The following TENM2 variants were observed in gnomAD, a reference collection of about 807,000 sequenced individuals.
TENM2 encodes teneurin-2.
TENM2 carries 52 observed loss-of-function variants against 245.2 expected under a neutral mutation model. That is an observed-to-expected ratio of 0.21 (90% CI 0.17 to 0.27). The LOEUF is 0.27. TENM2 is among the 10% of genes least tolerant of loss of function. The probability of loss-of-function intolerance (pLI) is 1.00; values close to 1 mark genes in which losing one functional copy is unlikely to be tolerated. For missense variants in TENM2, 3,046 were observed against 3,666.8 expected, an observed-to-expected ratio of 0.83 and a Z score of 4.37; for synonymous variants, 1,363 against 1,438.9, an observed-to-expected ratio of 0.95 and a Z score of 1.19.
chr5:168,151,798 G>T (rs1756677137), intron 12 of TENM2, among the ~76,000 whole-genome samples: 1 of 152,232 alleles, frequency 6.6e-6, no homozygotes. Flanking sequence ...ATAAAAGTCT[G>T]CACCCTCTTT....
intron 7 of TENM2, among the ~76,000 whole-genome samples, chr5:168,063,617 T>TA (rs542713569): frequency 7.0e-4 from 107 of 152,206 alleles, no homozygotes; most frequent in Middle Eastern, 3.4e-3. Context: ...CTTAAAGCTA[T>TA]AAAAAAACCC....
chr5:167,320,556 A>C (rs1030168226), intron 1 of TENM2, among the ~76,000 whole-genome samples: 2 of 100,190 alleles, frequency 2.0e-5, no homozygotes, highest in Non-Finnish European at 4.4e-5. Context: ...TTTAATTGCC[A>C]TTGTAACAGT....
chr5:167,884,488 T>C (rs11738159), intron 3 of TENM2, among the ~76,000 whole-genome samples: 68,156 of 152,050 alleles, frequency 0.45, 17,605 homozygotes, highest in Non-Finnish European at 0.57. Context: ...ATCAATGGAA[T>C]CACACAGTAC....
the TENM2 span, among the ~76,000 whole-genome samples, chr5:167,211,854 C>T: frequency 1.3e-5 from 2 of 152,100 alleles, no homozygotes; most frequent in South Asian, 4.2e-4. Flanking sequence ...TGACAGATTG[C>T]ACACTTATTT....
exon 29 of TENM2, chr5:168,262,753 T>A (rs1308278411): frequency 6.2e-7 from 1 of 1,610,778 alleles, no homozygotes; most frequent in Non-Finnish European, 8.5e-7. Context: ...ACCCAGAGCT[T>A]GCAGACAGTA....
chr5:168,040,457 T>C (rs1196647125), intron 5 of TENM2, among the ~76,000 whole-genome samples: 2 of 152,134 alleles, frequency 1.3e-5, no homozygotes, highest in Admixed American at 6.6e-5. Context: ...TCTCGGGAGA[T>C]AGGTGCACAA....
Position 168,137,513 on chromosome 5 carries a change from C to T in TENM2, c.2422+10547C>T, listed in dbSNP as rs146824164. Among the ~76,000 whole-genome samples, 1,150 of 152,256 alleles carry T rather than the reference C, an allele frequency of 7.6e-3. 11 individuals carry two copies. Among genetic ancestry groups the T allele is most frequent in the African/African-American group, 0.023 (970 of 41,544 alleles). On this transcript the variant is annotated intron_variant, in intron 12 of 28. Transcript: ENST00000518659. ...AACAAGTTAGCCAGCTGTCAATCAC[C>T]GGTCATGCTATTGCATCTGAAACAC...
intron 2 of TENM2, among the ~76,000 whole-genome samples, chr5:167,553,608 G>A (rs1289932085): frequency 6.6e-6 from 1 of 152,170 alleles, no homozygotes; most frequent in African/African-American, 2.4e-5. Context: ...CGTCATATGT[G>A]ATGAAGAAAA....
intron 1 of TENM2, among the ~76,000 whole-genome samples, chr5:167,356,928 C>T (rs534481705): frequency 6.6e-6 from 1 of 152,240 alleles, no homozygotes; most frequent in Admixed American, 6.5e-5. Context: ...TCTCTCTGAC[C>T]TAAAAGTTTA....
In TENM2 at chr5:167,357,065, C is replaced by T. The variant is rs1759384028; in HGVS notation, c.227-18133C>T. 2.6e-5 allele frequency among the ~76,000 whole-genome samples: 4 copies of T among 151,922 alleles called. No homozygotes were observed. The South Asian group carries it at 6.2e-4, about 24-fold the overall frequency. On this transcript the variant is annotated intron_variant, in intron 1 of 28. Transcript: ENST00000518659. The stretch of plus-strand genomic sequence containing the variant: ...TCTGGGAGGAAAGCTTTGTTCAAGT[C>T]GACATTTTTTTTAAATCTAAATGTA...
At chr5:167,739,153 G>T (rs1414201212) in intron 2 of TENM2, among the ~76,000 whole-genome samples, 1 of 152,190 alleles carries the variant, frequency 6.6e-6, no homozygotes, top group Non-Finnish European at 1.5e-5. Flanking sequence ...AGGACAGGGT[G>T]GCTTTGCAGT....
At chr5:167,525,599 G>T (rs551699126) in intron 2 of TENM2, among the ~76,000 whole-genome samples, 2 of 152,228 alleles carry the variant, frequency 1.3e-5, no homozygotes, top group East Asian at 3.9e-4. Context: ...GACACTCTGG[G>T]TATCGCTAAA....
chr5:167,149,926 G>A, the TENM2 span, among the ~76,000 whole-genome samples: 244 of 152,266 alleles, frequency 1.6e-3, no homozygotes, highest in African/African-American at 5.6e-3. Flanking sequence ...GTGCTTGAAG[G>A]AGGGCATGGC....
At chr5:167,780,930 T>C (rs2150831497) in intron 2 of TENM2, among the ~76,000 whole-genome samples, 1 of 152,356 alleles carries the variant, frequency 6.6e-6, no homozygotes, top group Middle Eastern at 3.4e-3. Flanking sequence ...CACTTTTGTT[T>C]CCACTTATTT....
At chr5:167,240,880 C>G in the TENM2 span, among the ~76,000 whole-genome samples, 1 of 152,142 alleles carries the variant, frequency 6.6e-6, no homozygotes, top group Non-Finnish European at 1.5e-5. Flanking sequence ...ATTCTTGAGC[C>G]AATTCCTCTT....
the TENM2 span, among the ~76,000 whole-genome samples, chr5:167,265,674 C>G: frequency 6.6e-6 from 1 of 152,124 alleles, no homozygotes; most frequent in East Asian, 1.9e-4. Flanking sequence ...CCCTTCGTCT[C>G]TGTATTGCTG....
At chr5:168,108,520 A>G (rs1371445715) in intron 9 of TENM2, among the ~76,000 whole-genome samples, 4 of 152,218 alleles carry the variant, frequency 2.6e-5, no homozygotes, top group Non-Finnish European at 5.9e-5. Flanking sequence ...GCACGTATTA[A>G]ATGTTAGCTA....
At chr5:167,581,406 G>A (rs201859732) in intron 2 of TENM2, among the ~76,000 whole-genome samples, 9 of 152,256 alleles carry the variant, frequency 5.9e-5, no homozygotes, top group East Asian at 5.8e-4. Flanking sequence ...AGGTGCAGTC[G>A]ATGATGTAGT....
intron 2 of TENM2, among the ~76,000 whole-genome samples, chr5:167,454,481 T>C (rs908083639): frequency 1.3e-5 from 2 of 148,826 alleles, no homozygotes; most frequent in South Asian, 2.2e-4. Flanking sequence ...TGTGTGCATG[T>C]GCACACGTGT....
Sources: gnomAD v4.1 joint callset for allele counts (sites outside exome capture counted in the v4.1 genomes callset) on GRCh38, gnomAD v4.1.1 for gene constraint, MANE v1.5 for transcripts, NCBI Gene and HGNC (gene_info 2026-07-23, HGNC 2026-07-21) for gene names.